Variants in CASTOR2 observed in about 807,000 individuals in gnomAD.
The protein encoded by CASTOR2 is cytosolic arginine sensor for mTORC1 subunit 2.
Under a neutral mutation model 31.2 loss-of-function variants are expected in CASTOR2, and 8 were observed. The observed-to-expected ratio is 0.26, with a 90% CI of 0.15 to 0.46. CASTOR2 has a LOEUF of 0.46. Ranked by LOEUF, CASTOR2 falls within the 20% of genes least tolerant of loss-of-function variation. The pLI, the probability that CASTOR2 is intolerant of heterozygous loss-of-function variation, is 0.99. For missense variants in CASTOR2, 216 were observed against 382.1 expected, an observed-to-expected ratio of 0.57 and a Z score of 3.62; for synonymous variants, 162 against 158.7, an observed-to-expected ratio of 1.02 and a Z score of -0.16.
At position 75,027,790 on chromosome 7, in the gene CASTOR2, G is replaced by C. The variant is rs1381539457; in HGVS notation, c.*3091G>C. ...CGTGTAAAGCTTGGTTTATCTTCTC[G>C]GCGTTCTGTGTGTAGCGTAGTCTTG... On this transcript the variant is annotated 3_prime_UTR_variant, in exon 9 of 9. Coordinates refer to ENST00000616305, the MANE Select transcript of CASTOR2 (RefSeq NM_001145064.3). 3.6e-6 allele frequency: 2 copies of C among 556,342 alleles called. No homozygotes were observed. Among genetic ancestry groups the C allele is most frequent in the East Asian group, 6.4e-5 (2 of 31,332 alleles). 34.5% of individuals were successfully genotyped at this position (556,342 alleles called of 1,614,324 possible).
intron 1 of CASTOR2, among the ~76,000 whole-genome samples, chr7:74,974,504 G>A (rs1803754889): frequency 6.7e-6 from 1 of 149,978 alleles, no homozygotes; most frequent in South Asian, 2.1e-4. Context: ...CAACTGGAGT[G>A]GGTGCTGGGT....
rs1294176273 is a variant in CASTOR2 at position 75,024,735 on chromosome 7, G to GCCCAGC, written c.*39_*44dup. The GCCCAGC allele has an allele frequency of 5.2e-6, 8 of 1,551,424 alleles. No individual in the cohort carries two copies. Among genetic ancestry groups the GCCCAGC allele is most frequent in the South Asian group, 1.2e-5 (1 of 84,058 alleles). On this transcript the variant is annotated 3_prime_UTR_variant, in exon 9 of 9. Coordinates refer to ENST00000616305, the MANE Select transcript of CASTOR2 (RefSeq NM_001145064.3). ...TCTGCTCCTCCCTGCCGCCGCCCGG[G>GCCCAGC]CCCAGCCCTAACCCTGAAGATTGAT...
intron 1 of CASTOR2, among the ~76,000 whole-genome samples, chr7:74,981,721 C>T (rs1420041163): frequency 3.3e-5 from 5 of 151,398 alleles, no homozygotes; most frequent in Admixed American, 6.6e-5. Context: ...GCTACCATGC[C>T]GGGCCTATTT....
At chr7:74,969,986 A>G (rs1289376954) in intron 1 of CASTOR2, among the ~76,000 whole-genome samples, 2 of 148,798 alleles carry the variant, frequency 1.3e-5, no homozygotes, top group African/African-American at 2.5e-5. Flanking sequence ...GAGAAGTACA[A>G]TGGCAAGGTC....
At position 75,030,159 on chromosome 7, in the gene CASTOR2, C is replaced by T. The variant is rs1280876992; in HGVS notation, c.*5460C>T. 6.6e-6 allele frequency among the ~76,000 whole-genome samples: 1 copy of T among 152,202 alleles called. No homozygotes were observed. The highest frequency in any genetic ancestry group is 1.5e-5 in the Non-Finnish European group (1 of 68,044). Reference sequence around the variant, plus strand: ...AGAGGAGCTATGGAAATTGGAAGTGCAGGGTGGCCTGTGTGCTAGGAGTGG... The same window carrying T: ...AGAGGAGCTATGGAAATTGGAAGTGTAGGGTGGCCTGTGTGCTAGGAGTGG... On this transcript the variant is annotated 3_prime_UTR_variant, in exon 9 of 9. Transcript: ENST00000616305.
chr7:74,990,086 C>T (rs1397568490), intron 1 of CASTOR2, among the ~76,000 whole-genome samples: 1 of 152,046 alleles, frequency 6.6e-6, no homozygotes, highest in Non-Finnish European at 1.5e-5. Context: ...CAGATTTTAT[C>T]TCATTAAAAA....
chr7:74,982,156 C>A (rs1202077641), intron 1 of CASTOR2, among the ~76,000 whole-genome samples: 1 of 146,282 alleles, frequency 6.8e-6, no homozygotes, highest in Non-Finnish European at 1.5e-5. Context: ...GAATGTGGAA[C>A]GCTGATAGGG....
At chr7:75,005,236 C>T (rs1804581582) in intron 1 of CASTOR2, among the ~76,000 whole-genome samples, 2 of 152,166 alleles carry the variant, frequency 1.3e-5, no homozygotes, top group African/African-American at 4.8e-5. Flanking sequence ...CCCAGAATTT[C>T]CCAGTGCCCC....
rs1450961773 is a variant in CASTOR2 at position 74,982,428 on chromosome 7, G to A, written c.113+17330G>A. 3.6e-3 allele frequency among the ~76,000 whole-genome samples: 550 copies of A among 151,884 alleles called. 7 individuals carry two copies. Among genetic ancestry groups the A allele is most frequent in the African/African-American group, 0.012 (500 of 41,252 alleles). ...GTGCATCTGTAAGGGCAGATCTCGC[G>A]GTGAATTTCCTGGGTGACTCCTTTG... On this transcript the variant is annotated intron_variant, in intron 1 of 8. Coordinates refer to ENST00000616305, the MANE Select transcript of CASTOR2 (RefSeq NM_001145064.3).
chr7:74,999,279 G>A (rs1804434505), intron 1 of CASTOR2, among the ~76,000 whole-genome samples: 1 of 152,122 alleles, frequency 6.6e-6, no homozygotes, highest in African/African-American at 2.4e-5. Context: ...CCAAGTGCTG[G>A]GATTACAAGC....
At chr7:74,975,259 G>A (rs1803775293) in intron 1 of CASTOR2, among the ~76,000 whole-genome samples, 1 of 151,338 alleles carries the variant, frequency 6.6e-6, no homozygotes, top group Non-Finnish European at 1.5e-5. Flanking sequence ...TGAGCACTGC[G>A]CCTGGCCAAC....
intron 1 of CASTOR2, among the ~76,000 whole-genome samples, chr7:74,993,854 T>C (rs1234344454): frequency 6.6e-6 from 1 of 151,672 alleles, no homozygotes; most frequent in Admixed American, 6.6e-5. Flanking sequence ...CTTTAGCTGG[T>C]TCATAAATCA....
chr7:75,015,795 G>A (rs1432327975), intron 2 of CASTOR2, among the ~76,000 whole-genome samples: 2 of 152,062 alleles, frequency 1.3e-5, no homozygotes, highest in Non-Finnish European at 2.9e-5. Flanking sequence ...GGCCAGGCGC[G>A]GTGGCTCACG....
In CASTOR2 at chr7:75,029,779, A is replaced by C. The variant is rs1805250244; in HGVS notation, c.*5080A>C. 6.6e-6 allele frequency among the ~76,000 whole-genome samples: 1 copy of C among 152,134 alleles called. No homozygotes were observed. The highest frequency in any genetic ancestry group is 2.4e-5 in the African/African-American group (1 of 41,422). ...TGGTTAGTGTAATAGGCAGAGCCTG[A>C]GTGAGGCCGGGGGGCTTCTCCAACA... On this transcript the variant is annotated 3_prime_UTR_variant, in exon 9 of 9. Transcript: ENST00000616305.
Position 75,019,115 on chromosome 7 carries a change from G to C in CASTOR2, c.635+20G>C. The C allele has an allele frequency of 1.3e-6, 2 of 1,551,818 alleles. No homozygotes were observed. Among genetic ancestry groups the C allele is most frequent in the Non-Finnish European group, 1.7e-6 (2 of 1,147,024 alleles). ...CAATGGGTAGGGCTGCCTTGGGCAT[G>C]AGGGGTTGCAGGGTGGGCCAGGGAG... On this transcript the variant is annotated intron_variant, in intron 5 of 8. Coordinates refer to ENST00000616305, the MANE Select transcript of CASTOR2 (RefSeq NM_001145064.3).
intron 1 of CASTOR2, among the ~76,000 whole-genome samples, chr7:74,985,561 C>G (rs1318702255): frequency 1.1e-5 from 1 of 94,708 alleles, no homozygotes; most frequent in Non-Finnish European, 2.0e-5. Flanking sequence ...GCCTAGGGGC[C>G]AAAGATTGAG....
At chr7:75,021,749 G>A (rs886174442) in intron 6 of CASTOR2, 125 bp from the exon 7 acceptor site, 1 of 1,151,464 alleles carries the variant, frequency 8.7e-7, no homozygotes, top group Non-Finnish European at 1.3e-6. Context: ...TTTTTGGGGG[G>A]CCCTGAGGTC....
chr7:75,003,793 G>A (rs1322152968), intron 1 of CASTOR2, among the ~76,000 whole-genome samples: 22 of 151,986 alleles, frequency 1.4e-4, no homozygotes, highest in African/African-American at 3.4e-4. Flanking sequence ...TCAAGGAGAG[G>A]GAGGAGTCTG....
chr7:75,005,412 G>A (rs1293252356), intron 1 of CASTOR2, among the ~76,000 whole-genome samples: 3 of 152,116 alleles, frequency 2.0e-5, no homozygotes, highest in South Asian at 2.1e-4. Context: ...GTTAATGCAC[G>A]AATCAGTAGT....
Sources: allele counts gnomAD v4.1 joint callset (sites outside exome capture counted in the v4.1 genomes callset), GRCh38; gene constraint gnomAD v4.1.1; transcripts MANE v1.5; gene names NCBI Gene and HGNC (gene_info 2026-07-23, HGNC 2026-07-21).